The following MTCL1 variants were observed in gnomAD, a reference collection of about 807,000 sequenced individuals.
MTCL1 encodes microtubule cross-linking factor 1.
A neutral mutation model predicts 141.4 loss-of-function variants in MTCL1; 79 were observed. The observed-to-expected ratio is 0.56, with a 90% CI of 0.47 to 0.67. The LOEUF (loss-of-function observed/expected upper bound fraction) is 0.67, where lower values mean the gene tolerates loss of function less well. MTCL1 is among the 30% of genes least tolerant of loss of function. The pLI is 0.00. For synonymous variants in MTCL1, 914 were observed against 875.8 expected (o/e 1.04, Z -0.77); for missense variants, 2,177 against 2,113.9 (o/e 1.03, Z -0.59).
intron 4 of MTCL1, among the ~76,000 whole-genome samples, chr18:8,740,882 A>G (rs2096299268): frequency 2.0e-5 from 3 of 152,366 alleles, no homozygotes; most frequent in Admixed American, 1.3e-4. Flanking sequence ...ATCCACAGCC[A>G]TAGCCCAAGG....
intron 1 of MTCL1, among the ~76,000 whole-genome samples, chr18:8,709,232 G>T (rs983494595): frequency 5.3e-5 from 8 of 151,966 alleles, no homozygotes; most frequent in Non-Finnish European, 1.2e-4. Context: ...TTGCTCCGTG[G>T]CCCAGGCTGG....
Position 8,764,972 on chromosome 18 carries a change from G to A in MTCL1, c.358-12861G>A, listed in dbSNP as rs139861344. On this transcript the variant is annotated intron_variant, in intron 4 of 16. Transcript: ENST00000359865. ...TAAAAAGAGAAGAAATAAAATGCCC[G>A]GAAGAGTCAAAACAAAATAGTGGCC... Among the ~76,000 whole-genome samples the A allele has an allele frequency of 4.0e-3, 604 of 152,306 alleles. 4 individuals are homozygous for A. Among genetic ancestry groups the A allele is most frequent in the African/African-American group, 0.014 (590 of 41,556 alleles).
chr18:8,755,816 T>C, intron 4 of MTCL1, among the ~76,000 whole-genome samples: 1 of 152,198 alleles, frequency 6.6e-6, no homozygotes, highest in East Asian at 1.9e-4. Flanking sequence ...TGTGATTCTT[T>C]TCATCTATTT....
intron 7 of MTCL1, among the ~76,000 whole-genome samples, chr18:8,791,937 C>T (rs943972841): frequency 6.6e-6 from 1 of 152,226 alleles, no homozygotes; most frequent in East Asian, 1.9e-4. Context: ...TCCTTAATAC[C>T]CCTTTCTCAT....
intron 7 of MTCL1, chr18:8,787,218 G>A (rs750071751): frequency 6.6e-6 from 1 of 152,308 alleles, no homozygotes; most frequent in African/African-American, 2.4e-5. Context: ...CAAATACTGA[G>A]GAGCAATAAA....
chr18:8,772,525 A>C (rs778002360), intron 4 of MTCL1, among the ~76,000 whole-genome samples: 1 of 151,838 alleles, frequency 6.6e-6, no homozygotes, highest in Non-Finnish European at 1.5e-5. Flanking sequence ...CCTGAACATG[A>C]TGACCATTAA....
chr18:8,805,203 A>G (rs1190760862), intron 10 of MTCL1, among the ~76,000 whole-genome samples: 2 of 151,792 alleles, frequency 1.3e-5, no homozygotes, highest in Non-Finnish European at 2.9e-5. Flanking sequence ...TAATGACCCT[A>G]TCACCTAAGT....
intron 4 of MTCL1, among the ~76,000 whole-genome samples, chr18:8,723,383 G>A (rs186087190): frequency 1.3e-5 from 2 of 152,296 alleles, no homozygotes; most frequent in Admixed American, 1.3e-4. Context: ...TCTATTGTGC[G>A]CCTCACTTTT....
At chr18:8,802,950 T>G (rs2076170868) in intron 10 of MTCL1, among the ~76,000 whole-genome samples, 1 of 152,174 alleles carries the variant, frequency 6.6e-6, no homozygotes, top group African/African-American at 2.4e-5. Context: ...GACATCTCAA[T>G]GGAACCGAGT....
In MTCL1 at chr18:8,824,939, C is replaced by T. The variant is rs749139382; in HGVS notation, c.3429C>T (p.His1143=). 1.7e-5 allele frequency: 28 copies of T among 1,613,586 alleles called. No homozygotes were observed. In the Middle Eastern group the frequency reaches 1.2e-3, roughly 66 times the overall value. Reference sequence around the variant, plus strand: ...GGACCGAGGTGGGGCGGGCAGGGCACGAGGACAGCACAGAGCCTTTCCCCG... The same window carrying T: ...GGACCGAGGTGGGGCGGGCAGGGCATGAGGACAGCACAGAGCCTTTCCCCG... Residue 1143 remains histidine, a synonymous_variant, in exon 15 of 17, where the codon CAC becomes CAT. Coordinates refer to ENST00000359865, the Ensembl canonical transcript of MTCL1.
chr18:8,779,316 G>A lies in MTCL1; in HGVS notation c.417+1424G>A, dbSNP rs941629603. 6.6e-6 allele frequency among the ~76,000 whole-genome samples: 1 copy of A among 152,134 alleles called. No homozygotes were observed. Among genetic ancestry groups the A allele is most frequent in the Admixed American group, 6.5e-5 (1 of 15,270 alleles). On this transcript the variant is annotated intron_variant, in intron 5 of 16. Transcript: ENST00000359865. The surrounding 1 kb of genome is among the most constrained non-coding windows in gnomAD (Gnocchi z 4.1). ...GGAATCGTGTGTCATATGGAAAGTT[G>A]GACTTGACCTACTTTCATACCACAT...
At chr18:8,712,797 G>A (rs985770065), upstream of MTCL1, among the ~76,000 whole-genome samples, 6 of 152,114 alleles carry the variant, frequency 3.9e-5, no homozygotes, top group South Asian at 2.1e-4. Context: ...TGGATTATTC[G>A]TATGTTACAA....
At chr18:8,710,142 G>C (rs1053244149) in intron 1 of MTCL1, among the ~76,000 whole-genome samples, 1 of 152,096 alleles carries the variant, frequency 6.6e-6, no homozygotes, top group South Asian at 2.1e-4. Flanking sequence ...GCCCGGCCTG[G>C]CCTGTATTTT....
intron 11 of MTCL1, 118 bp downstream of exon 10, chr18:8,807,178 AGAG>A: frequency 1.8e-6 from 2 of 1,085,114 alleles, no homozygotes; most frequent in Non-Finnish European, 2.6e-6. Flanking sequence ...CAGGAAAAAA[AGAG>A]AGGAGTGGCT....
At position 8,769,087 on chromosome 18, in the gene MTCL1, G is replaced by A. The variant is rs759794705; in HGVS notation, c.358-8746G>A. Among the ~76,000 whole-genome samples the A allele has an allele frequency of 3.3e-5, 5 of 152,160 alleles. 1 individual carries two copies. The highest frequency in any genetic ancestry group is 1.3e-4 in the Admixed American group (2 of 15,282). The stretch of plus-strand genomic sequence containing the variant: ...GGGGAATACAGGCATGAGCCAGCGC[G>A]CCTGGCCAGGAACAGAATATTTTCT... On this transcript the variant is annotated intron_variant, in intron 4 of 16. Transcript: ENST00000359865.
chr18:8,784,593 G>A (rs1598642016), exon 6 of MTCL1: 4 of 1,611,688 alleles, frequency 2.5e-6, no homozygotes, highest in Admixed American at 3.3e-5. Flanking sequence ...CCGGGGCCTG[G>A]CCTCCAGGGC....
At chr18:8,796,493 C>T (rs767692929) in intron 9 of MTCL1, 31 bp downstream of exon 8, 20 of 1,607,794 alleles carry the variant, frequency 1.2e-5, no homozygotes, top group Admixed American at 1.7e-5. Context: ...CTTTTATTTG[C>T]ATCTGTTTTG....
exon 1 of MTCL1, chr18:8,706,457 C>T (rs2096058661): frequency 2.4e-6 from 3 of 1,256,238 alleles, no homozygotes; most frequent in African/African-American, 1.6e-5. Context: ...AGCCCCGAGC[C>T]CCCAGCGCTC....
chr18:8,761,162 G>C (rs2096430427), intron 4 of MTCL1, among the ~76,000 whole-genome samples: 1 of 152,034 alleles, frequency 6.6e-6, no homozygotes, highest in Non-Finnish European at 1.5e-5. Flanking sequence ...TTTGCTTCTT[G>C]GCCATAAAAG....
Sources: allele counts gnomAD v4.1 joint callset (sites outside exome capture counted in the v4.1 genomes callset), GRCh38; gene constraint gnomAD v4.1.1; non-coding constraint Gnocchi (gnomAD v3.1); transcripts MANE v1.5; gene names NCBI Gene and HGNC (gene_info 2026-07-23, HGNC 2026-07-21).